Variants in SAMSN1 observed in about 807,000 individuals in gnomAD.
The protein encoded by SAMSN1 is SAM domain, SH3 domain and nuclear localization signals 1.
A neutral mutation model predicts 42.0 loss-of-function variants in SAMSN1; 31 were observed. The observed-to-expected ratio is 0.74, with a 90% CI of 0.55 to 1.00. SAMSN1 has a LOEUF of 1.00. Ranked by LOEUF, SAMSN1 falls within the 50% of genes least tolerant of loss-of-function variation. SAMSN1 has a pLI of 0.00. For missense variants in SAMSN1, 464 were observed against 439.4 expected, an observed-to-expected ratio of 1.06 and a Z score of -0.50; for synonymous variants, 178 against 151.9, an observed-to-expected ratio of 1.17 and a Z score of -1.26.
intron 6 of SAMSN1, among the ~76,000 whole-genome samples, chr21:14,600,660 G>T (rs1201353323): frequency 6.6e-6 from 1 of 151,968 alleles, no homozygotes; most frequent in Non-Finnish European, 1.5e-5. Context: ...ATTTTTCTAC[G>T]AAAAACCTAC....
chr21:14,500,466 C>A, intron 6 of SAMSN1, 63 bp downstream of exon 6: 1 of 1,366,076 alleles, frequency 7.3e-7, no homozygotes, highest in Non-Finnish European at 1.0e-6. Flanking sequence ...AAATACTGAT[C>A]CACTCCCTTC....
chr21:14,596,369 A>C (rs999958280), intron 6 of SAMSN1, among the ~76,000 whole-genome samples: 3 of 152,164 alleles, frequency 2.0e-5, no homozygotes, highest in African/African-American at 7.2e-5. Context: ...CTTTGGAAGT[A>C]GAAAACTTCT....
At chr21:14,553,180 C>T (rs1325200545) in intron 2 of SAMSN1, among the ~76,000 whole-genome samples, 1 of 151,944 alleles carries the variant, frequency 6.6e-6, no homozygotes, top group Non-Finnish European at 1.5e-5. Flanking sequence ...TTCCCAACTA[C>T]CTTATAATTA....
chr21:14,495,816 T>C (rs1986893903), intron 7 of SAMSN1: 1 of 152,224 alleles, frequency 6.6e-6, no homozygotes, highest in Non-Finnish European at 1.5e-5. Flanking sequence ...ATTTGTGAGC[T>C]TGAGAAAGCC....
Position 14,579,329 on chromosome 21 carries a change from G to T in SAMSN1, c.261+2807C>A, listed in dbSNP as rs189270812. Reference sequence around the variant, plus strand: ...TTCTGCAGATAAAACTCACTTAATCGTTAAGTTATATATTAAAATAGACAA... The same window carrying T: ...TTCTGCAGATAAAACTCACTTAATCTTTAAGTTATATATTAAAATAGACAA... On this transcript the variant is annotated intron_variant, in intron 2 of 8. Transcript: ENST00000285670. Among the ~76,000 whole-genome samples, 26 of 152,074 alleles carry T rather than the reference G, an allele frequency of 1.7e-4. 1 individual carries two copies. The South Asian group carries it at 5.4e-3, about 32-fold the overall frequency.
In SAMSN1 at chr21:14,485,944, G is replaced by A. The variant is rs1568758204; in HGVS notation, c.1090C>T (p.His364Tyr). ...CTTGGCTCTGTGATAATAATCTTAT[G>A]TACCATGTCAGACAGATTTTCAGAC... The part of the protein sequence containing the change: ...LESENLSDMV[H>Y]KIIITEPSD The change falls in exon 8 of 8, where the codon CAT (histidine) becomes TAT (tyrosine). Residue 364 changes from histidine to tyrosine, a missense_variant. Transcript: ENST00000400566. 1 of 1,613,608 alleles carries A rather than the reference G, an allele frequency of 6.2e-7. No homozygotes were observed.
At position 14,512,520 on chromosome 21, in the gene SAMSN1, A is replaced by G. The variant is rs1361079140; in HGVS notation, c.333T>C (p.Ile111=). ...GGGACACCTTCTCTGTGTGGGTCCC[A>G]ATCACAGGGTCACTGTTTCTATATG... The part of the protein sequence containing the change: ...AHPYRNSDPV[I]GTHTEKVSLK... The change falls in exon 4 of 8, where the codon ATT becomes ATC. Residue 111 remains isoleucine, a synonymous_variant. Coordinates refer to ENST00000400566, the MANE Select transcript of SAMSN1 (RefSeq NM_022136.5). The G allele has an allele frequency of 6.2e-7, 1 of 1,613,650 alleles. No homozygotes were observed. Among genetic ancestry groups the G allele is most frequent in the Non-Finnish European group, 8.5e-7 (1 of 1,179,590 alleles).
At chr21:14,569,249 C>G (rs191423837) in intron 2 of SAMSN1, among the ~76,000 whole-genome samples, 1 of 152,086 alleles carries the variant, frequency 6.6e-6, no homozygotes, top group Non-Finnish European at 1.5e-5. Context: ...GAGCTGTGAC[C>G]GCACTACTGC....
At chr21:14,631,550 T>C (rs1378626553) in intron 2 of SAMSN1, among the ~76,000 whole-genome samples, 1 of 152,180 alleles carries the variant, frequency 6.6e-6, no homozygotes, top group East Asian at 1.9e-4. Flanking sequence ...GTATTTTTAA[T>C]AGAGACAGGG....
rs557099459 is a variant in SAMSN1, at chr21:14,510,792, T to C, written c.410-331A>G. 3.9e-5 allele frequency among the ~76,000 whole-genome samples: 6 copies of C among 152,358 alleles called. No individual in the cohort carries two copies. The South Asian group carries it at 8.3e-4, about 21-fold the overall frequency. On this transcript the variant is annotated intron_variant, in intron 4 of 7. Coordinates refer to ENST00000400566, the MANE Select transcript of SAMSN1 (RefSeq NM_022136.5). ...AAAAGCATCACATTACAAAGTTCCCTACAATTTCCTCCCCAGAGTTCCCAC... is the reference window on the plus strand; with the variant it reads ...AAAAGCATCACATTACAAAGTTCCCCACAATTTCCTCCCCAGAGTTCCCAC...
At chr21:14,573,495 G>A (rs1445967458) in intron 2 of SAMSN1, among the ~76,000 whole-genome samples, 1 of 152,108 alleles carries the variant, frequency 6.6e-6, no homozygotes, top group East Asian at 1.9e-4. Flanking sequence ...GAGAGAGAAA[G>A]GAGATGGGAT....
chr21:14,631,643 G>A (rs1470239077), intron 2 of SAMSN1, among the ~76,000 whole-genome samples: 1 of 152,152 alleles, frequency 6.6e-6, no homozygotes, highest in Non-Finnish European at 1.5e-5. Context: ...GGGATTACAG[G>A]CGTAAGCCAC....
At chr21:14,519,462 A>C (rs1978326715) in intron 2 of SAMSN1, among the ~76,000 whole-genome samples, 1 of 152,088 alleles carries the variant, frequency 6.6e-6, no homozygotes, top group African/African-American at 2.4e-5. Context: ...GCCAACTGAA[A>C]ATAAAATTAT....
At chr21:14,552,519 C>T (rs997630051) in intron 2 of SAMSN1, among the ~76,000 whole-genome samples, 1 of 152,088 alleles carries the variant, frequency 6.6e-6, no homozygotes, top group Admixed American at 6.6e-5. Context: ...CATGTGAAGA[C>T]ATAGCAAGAA....
intron 1 of SAMSN1, among the ~76,000 whole-genome samples, chr21:14,651,914 A>G (rs1282657077): frequency 6.6e-6 from 1 of 152,050 alleles, no homozygotes; most frequent in Non-Finnish European, 1.5e-5. Context: ...AAGTAATCCT[A>G]TTTACACTAG....
At chr21:14,625,357 A>G (rs1193257511) in intron 2 of SAMSN1, among the ~76,000 whole-genome samples, 2 of 152,210 alleles carry the variant, frequency 1.3e-5, no homozygotes, top group African/African-American at 2.4e-5. Context: ...TGCAGATGAC[A>G]TGATTGTATA....
Position 14,517,053 on chromosome 21 carries a change from T to C in SAMSN1, c.130-12A>G, listed in dbSNP as rs999384847. On this transcript the variant is annotated splice_polypyrimidine_tract_variant and intron_variant, in intron 2 of 7. Coordinates refer to ENST00000400566, the MANE Select transcript of SAMSN1 (RefSeq NM_022136.5). The stretch of plus-strand genomic sequence containing the variant: ...TCTCCTTCATGTGCCTAGTTTAGAA[T>C]TGTTTACAAAAGACAAAATAATAAA... 6.3e-7 allele frequency: 1 copy of C among 1,598,014 alleles called. No individual in the cohort carries two copies. Among genetic ancestry groups the C allele is most frequent in the South Asian group, 1.1e-5 (1 of 87,956 alleles).
intron 2 of SAMSN1, among the ~76,000 whole-genome samples, chr21:14,617,703 G>A (rs961561220): frequency 2.0e-5 from 3 of 152,180 alleles, no homozygotes; most frequent in Admixed American, 6.5e-5. Flanking sequence ...TTGCAATAAG[G>A]AATATGGGAA....
intron 2 of SAMSN1, among the ~76,000 whole-genome samples, chr21:14,617,050 C>T (rs766847042): frequency 1.6e-4 from 24 of 152,102 alleles, no homozygotes; most frequent in Non-Finnish European, 2.9e-4. Context: ...CAGAACGTTG[C>T]TAAAACCCCA....
Sources: gnomAD v4.1 joint callset for allele counts (sites outside exome capture counted in the v4.1 genomes callset) on GRCh38, gnomAD v4.1.1 for gene constraint, MANE v1.5 for transcripts, NCBI Gene and HGNC (gene_info 2026-07-23, HGNC 2026-07-21) for gene names.